DOCK7: variants seen among roughly 807,000 people sequenced by gnomAD.
DOCK7 encodes the protein dedicator of cytokinesis protein 7.
A neutral mutation model predicts 271.0 loss-of-function variants in DOCK7; 138 were observed. The ratio of observed to expected loss-of-function variants is 0.51; its 90% CI spans 0.44 to 0.59. DOCK7 has a LOEUF of 0.59. DOCK7 is among the 20% of genes least tolerant of loss of function. The probability of loss-of-function intolerance (pLI) is 0.00; values close to 1 mark genes in which losing one functional copy is unlikely to be tolerated. For missense variants in DOCK7, 2,066 were observed against 2,592.4 expected (o/e 0.80, Z 4.41); for synonymous variants, 823 against 876.1 (o/e 0.94, Z 1.07).
chr1:62,582,922 G>A (rs1473890232), intron 16 of DOCK7, among the ~76,000 whole-genome samples: 2 of 151,966 alleles, frequency 1.3e-5, no homozygotes, highest in Admixed American at 6.6e-5. Context: ...AAGGACCAGC[G>A]GCCACAATGA....
chr1:62,641,206 G>T, intron 7 of DOCK7: 1 of 381,916 alleles, frequency 2.6e-6, no homozygotes. Context: ...ATAGACTCAT[G>T]AGCTGTCTTT....
chr1:62,603,226 A>T (rs1185783911), intron 14 of DOCK7, among the ~76,000 whole-genome samples: 2 of 151,704 alleles, frequency 1.3e-5, no homozygotes, highest in Non-Finnish European at 3.0e-5. Flanking sequence ...AAAGCAACCC[A>T]TTTGTACTTG....
chr1:62,640,737 A>G (rs954961398), intron 7 of DOCK7, among the ~76,000 whole-genome samples: 7 of 152,154 alleles, frequency 4.6e-5, no homozygotes, highest in Admixed American at 2.6e-4. Flanking sequence ...TAGCAGCTAC[A>G]GAGTATAGCA....
intron 1 of DOCK7, among the ~76,000 whole-genome samples, chr1:62,682,207 G>C (rs1464367915): frequency 6.6e-6 from 1 of 152,216 alleles, no homozygotes; most frequent in East Asian, 1.9e-4. Context: ...ATCCAAGCAA[G>C]GGTTTGGCTT....
chr1:62,617,279 A>G (rs1361250195), intron 14 of DOCK7, among the ~76,000 whole-genome samples: 1 of 151,922 alleles, frequency 6.6e-6, no homozygotes, highest in Non-Finnish European at 1.5e-5. Context: ...AACACATAGA[A>G]AAGGAGCCAA....
intron 14 of DOCK7, chr1:62,604,139 A>C: frequency 6.2e-7 from 1 of 1,613,398 alleles, no homozygotes. Context: ...GATTACTGGC[A>C]ATGTCCCCAA....
chr1:62,647,688 C>A lies in DOCK7; in HGVS notation c.818+3G>T. 1 of 1,585,532 alleles carries A rather than the reference C, an allele frequency of 6.3e-7. No individual in the cohort carries two copies. Among genetic ancestry groups the A allele is most frequent in the Non-Finnish European group, 8.6e-7 (1 of 1,164,788 alleles). ...GTTGTAAGTAAAAGAAATAAATACT[C>A]ACTTGAGTGATAAGCATTTTACAAG... On this transcript the variant is annotated splice_donor_region_variant and intron_variant, in intron 7 of 49. Transcript: ENST00000635253.
At chr1:62,553,340 ATATATATATATATATTTTTT>A (rs1645998772) in intron 21 of DOCK7, among the ~76,000 whole-genome samples, 1 of 8,394 alleles carries the variant, frequency 1.2e-4, no homozygotes, top group African/African-American at 2.3e-4. Context: ...ATATATATAT[ATATATATATATATATTTTTT>A]TTTTTTTTTT....
chr1:62,595,793 G>A (rs1233174638), intron 14 of DOCK7, among the ~76,000 whole-genome samples: 2 of 152,066 alleles, frequency 1.3e-5, no homozygotes, highest in Non-Finnish European at 2.9e-5. Context: ...GCTGGGTGTG[G>A]TGGCATGCAT....
chr1:62,647,041 T>C (rs1656759831), intron 7 of DOCK7, among the ~76,000 whole-genome samples: 1 of 152,234 alleles, frequency 6.6e-6, no homozygotes, highest in African/African-American at 2.4e-5. Flanking sequence ...AAGCCTTAGC[T>C]TTCAAGGAAA....
intron 14 of DOCK7, among the ~76,000 whole-genome samples, chr1:62,616,222 G>A (rs1173298715): frequency 4.0e-5 from 6 of 151,552 alleles, no homozygotes; most frequent in East Asian, 1.9e-4. Flanking sequence ...TATTTGGCAC[G>A]GTATCTTCTC....
intron 31 of DOCK7, among the ~76,000 whole-genome samples, chr1:62,516,362 T>A (rs1012074969): frequency 2.6e-5 from 4 of 152,160 alleles, no homozygotes; most frequent in African/African-American, 9.7e-5. Flanking sequence ...CGTGGCATAA[T>A]TAAGCCCTAC....
chr1:62,532,562 T>C (rs1216146994), intron 29 of DOCK7, among the ~76,000 whole-genome samples: 2 of 152,178 alleles, frequency 1.3e-5, no homozygotes, highest in East Asian at 3.9e-4. Flanking sequence ...GTTGAACTCC[T>C]GGACTCAAGC....
At chr1:62,548,941 C>G (rs1365490556) in intron 22 of DOCK7, among the ~76,000 whole-genome samples, 1 of 152,146 alleles carries the variant, frequency 6.6e-6, no homozygotes, top group Non-Finnish European at 1.5e-5. Flanking sequence ...AAGTTTAGAA[C>G]TCCAGAGAGA....
chr1:62,494,243 C>G, intron 40 of DOCK7, 32 bp downstream of exon 40: 1 of 1,521,414 alleles, frequency 6.6e-7, no homozygotes, highest in Non-Finnish European at 8.9e-7. Flanking sequence ...AAAGATATAC[C>G]TTGATTTAAT....
chr1:62,683,298 C>T lies in DOCK7; in HGVS notation c.38+4929G>A, dbSNP rs188994082. 6.6e-5 allele frequency among the ~76,000 whole-genome samples: 10 copies of T among 152,196 alleles called. No homozygotes were observed. The East Asian group carries it at 7.7e-4, about 12-fold the overall frequency. On this transcript the variant is annotated intron_variant, in intron 1 of 49. Transcript: ENST00000635253. ...GTTCCGCAAGATAAAACAGGCAGCA[C>T]GGAAGTAGTTGGTAATATATGGAAC...
chr1:62,686,618 T>A (rs569149865), intron 1 of DOCK7, among the ~76,000 whole-genome samples: 2 of 152,204 alleles, frequency 1.3e-5, no homozygotes, highest in Non-Finnish European at 2.9e-5. Context: ...ACAGGTAGTA[T>A]AGGCCCTGTA....
At chr1:62,667,881 G>A (rs914808895) in intron 1 of DOCK7, among the ~76,000 whole-genome samples, 5 of 152,000 alleles carry the variant, frequency 3.3e-5, no homozygotes, top group Non-Finnish European at 7.4e-5. Context: ...TTAGCCAGAC[G>A]TGGTGGCAGG....
chr1:62,514,725 T>C (rs921111235), intron 31 of DOCK7, among the ~76,000 whole-genome samples: 4 of 96,480 alleles, frequency 4.1e-5, no homozygotes, highest in Non-Finnish European at 7.9e-5. Context: ...TTTATTTAGC[T>C]CTCACAACAA....
Sources: allele counts gnomAD v4.1 joint callset (sites outside exome capture counted in the v4.1 genomes callset), GRCh38; gene constraint gnomAD v4.1.1; transcripts MANE v1.5; gene names NCBI Gene and HGNC (gene_info 2026-07-23, HGNC 2026-07-21).